Variants in LURAP1L observed in about 807,000 individuals in gnomAD.
The protein encoded by LURAP1L is leucine rich adaptor protein 1 like.
A neutral mutation model predicts 13.8 loss-of-function variants in LURAP1L; 12 were observed. The observed-to-expected ratio is 0.87, with a 90% CI of 0.56 to 1.41. The LOEUF is 1.41. Ranked by LOEUF, LURAP1L falls within the 40% of genes most tolerant of loss-of-function variation. The probability of loss-of-function intolerance (pLI) is 0.00; values close to 1 mark genes in which losing one functional copy is unlikely to be tolerated. For synonymous variants in LURAP1L, 139 were observed against 119.2 expected (o/e 1.17, Z -1.08); for missense variants, 375 against 292.9 (o/e 1.28, Z -2.04).
intron 1 of LURAP1L, among the ~76,000 whole-genome samples, chr9:12,805,970 A>G (rs183801747): frequency 2.0e-5 from 3 of 152,320 alleles, no homozygotes; most frequent in African/African-American, 4.8e-5. Flanking sequence ...AAAAGAAAAG[A>G]AAAACAGAAT....
chr9:12,809,551 T>C (rs955938869), intron 1 of LURAP1L, among the ~76,000 whole-genome samples: 2 of 152,216 alleles, frequency 1.3e-5, no homozygotes, highest in Non-Finnish European at 2.9e-5. Context: ...ATTAGAACCA[T>C]TGGCGTATTA....
intron 1 of LURAP1L, among the ~76,000 whole-genome samples, chr9:12,803,085 A>T (rs886770915): frequency 6.6e-6 from 1 of 152,196 alleles, no homozygotes; most frequent in East Asian, 1.9e-4. Context: ...TTCATTCAGC[A>T]TATGTTTATT....
chr9:12,777,909 T>TC (rs1819214262), intron 1 of LURAP1L, among the ~76,000 whole-genome samples: 2 of 152,050 alleles, frequency 1.3e-5, no homozygotes, highest in African/African-American at 4.8e-5. Context: ...TCACAATTAG[T>TC]TTTTTTTTAT....
intron 1 of LURAP1L, among the ~76,000 whole-genome samples, chr9:12,809,355 T>C (rs1819706376): frequency 6.6e-6 from 1 of 152,202 alleles, no homozygotes. Flanking sequence ...TTGGGGAGTT[T>C]CTGTGGACTC....
chr9:12,795,938 G>T (rs1029836382), intron 1 of LURAP1L, among the ~76,000 whole-genome samples: 5 of 152,050 alleles, frequency 3.3e-5, no homozygotes, highest in African/African-American at 9.6e-5. Flanking sequence ...ACAAGAATAG[G>T]AAGAAAGTGA....
At chr9:12,806,052 G>A (rs1030674386) in intron 1 of LURAP1L, among the ~76,000 whole-genome samples, 12 of 152,162 alleles carry the variant, frequency 7.9e-5, no homozygotes, top group African/African-American at 2.4e-4. Context: ...GAGTTTCTTG[G>A]GCAACTCTGC....
chr9:12,777,499 C>G (rs1451690035), intron 1 of LURAP1L: 1 of 984,404 alleles, frequency 1.0e-6, no homozygotes, highest in East Asian at 1.1e-4. Context: ...AATTTTATTC[C>G]TAACCATGTC....
intron 1 of LURAP1L, 29 bp from the exon 2 acceptor site, chr9:12,821,357 G>C: frequency 6.3e-7 from 1 of 1,591,464 alleles, no homozygotes; most frequent in South Asian, 1.1e-5. Flanking sequence ...AAAATGGCTG[G>C]AATATCTTTC....
chr9:12,781,407 G>A (rs1819268608), intron 1 of LURAP1L, among the ~76,000 whole-genome samples: 1 of 151,878 alleles, frequency 6.6e-6, no homozygotes, highest in South Asian at 2.1e-4. Flanking sequence ...CCCCCAGCTC[G>A]CTACCCCTTC....
chr9:12,781,591 A>T (rs111465609), intron 1 of LURAP1L, among the ~76,000 whole-genome samples: 3,212 of 152,160 alleles, frequency 0.021, 44 homozygotes, highest in Middle Eastern at 0.044. Context: ...ACAGATTCTA[A>T]TTCTTTTCTT....
intron 1 of LURAP1L, among the ~76,000 whole-genome samples, chr9:12,816,525 C>T (rs1217778905): frequency 2.0e-5 from 3 of 152,152 alleles, no homozygotes; most frequent in Non-Finnish European, 2.9e-5. Context: ...ACCAAAACTC[C>T]GACTGCATTT....
At chr9:12,816,012 G>T (rs1819799748) in intron 1 of LURAP1L, among the ~76,000 whole-genome samples, 2 of 152,114 alleles carry the variant, frequency 1.3e-5, no homozygotes, top group Non-Finnish European at 2.9e-5. Context: ...CTGAGCAGCA[G>T]AATTGATTCT....
At chr9:12,788,670 T>C (rs1819397099) in intron 1 of LURAP1L, among the ~76,000 whole-genome samples, 1 of 152,036 alleles carries the variant, frequency 6.6e-6, no homozygotes, top group Non-Finnish European at 1.5e-5. Flanking sequence ...ATGGTTATTA[T>C]GGATGTATAA....
At chr9:12,794,416 C>G (rs557464405) in intron 1 of LURAP1L, among the ~76,000 whole-genome samples, 1 of 152,054 alleles carries the variant, frequency 6.6e-6, no homozygotes, top group South Asian at 2.1e-4. Flanking sequence ...ACTTGAAAAA[C>G]TTACCCTCTA....
rs1214655175 is a variant in LURAP1L, at chr9:12,775,403, CTCTG to C, written c.-308_-305del. ...CACTACTTCCCCCTCTTTATTCCCC[CTCTG>C]TCTGCAATATCAGTGAACTCAACTT... On this transcript the variant is annotated 5_prime_UTR_variant, in exon 1 of 2. Coordinates refer to ENST00000319264, the MANE Select transcript of LURAP1L (RefSeq NM_203403.2). The C allele has an allele frequency of 1.5e-5, 5 of 331,806 alleles. No homozygotes were observed. Among genetic ancestry groups the C allele is most frequent in the Non-Finnish European group, 2.7e-5 (5 of 185,992 alleles). 20.6% of individuals were successfully genotyped at this position (331,806 alleles called of 1,614,324 possible). A position where few individuals can be genotyped will look rare whatever the true frequency, so the allele number is the denominator to read the frequency against.
At chr9:12,778,089 G>A (rs537614910) in intron 1 of LURAP1L, among the ~76,000 whole-genome samples, 1 of 152,252 alleles carries the variant, frequency 6.6e-6, no homozygotes, top group African/African-American at 2.4e-5. Flanking sequence ...CGCATTTGTT[G>A]TTGTTTTTTG....
chr9:12,780,719 T>C (rs1191554107), intron 1 of LURAP1L, among the ~76,000 whole-genome samples: 2 of 134,600 alleles, frequency 1.5e-5, no homozygotes, highest in Non-Finnish European at 3.2e-5. Flanking sequence ...TCTTTTGGCA[T>C]TCCTTTAAAA....
chr9:12,788,459 A>G (rs1423601985), intron 1 of LURAP1L, among the ~76,000 whole-genome samples: 2 of 152,188 alleles, frequency 1.3e-5, no homozygotes, highest in East Asian at 1.9e-4. Context: ...TGCCAGTAAC[A>G]ATGTGGAAAT....
At chr9:12,789,418 AG>A (rs1819409145) in intron 1 of LURAP1L, among the ~76,000 whole-genome samples, 1 of 152,160 alleles carries the variant, frequency 6.6e-6, no homozygotes, top group African/African-American at 2.4e-5. Flanking sequence ...ATTTCATAGA[AG>A]GGTGAATGAC....
Sources: allele counts gnomAD v4.1 joint callset (sites outside exome capture counted in the v4.1 genomes callset), GRCh38; gene constraint gnomAD v4.1.1; transcripts MANE v1.5; gene names NCBI Gene and HGNC (gene_info 2026-07-23, HGNC 2026-07-21).